The following NMU variants were observed in gnomAD, a reference collection of about 807,000 sequenced individuals.
NMU encodes neuromedin U.
In NMU, 29 loss-of-function variants were observed where a neutral mutation model predicts 35.4. The observed-to-expected ratio is 0.82, with a 90% confidence interval of 0.61 to 1.12. NMU has a LOEUF of 1.12. NMU is among the 50% of genes most tolerant of loss of function. The probability of loss-of-function intolerance (pLI) is 0.00; values close to 1 mark genes in which losing one functional copy is unlikely to be tolerated. For synonymous variants in NMU, 78 were observed against 81.3 expected (o/e 0.96, Z 0.22); for missense variants, 199 against 206.2 (o/e 0.97, Z 0.21).
At chr4:55,612,702 A>T (rs1490832530) in intron 3 of NMU, among the ~76,000 whole-genome samples, 2 of 152,174 alleles carry the variant, frequency 1.3e-5, no homozygotes, top group Non-Finnish European at 2.9e-5. Context: ...TGACTGAAAA[A>T]GTTTCAAAGC....
intron 2 of NMU, among the ~76,000 whole-genome samples, chr4:55,629,787 G>A (rs534773352): frequency 8.1e-4 from 123 of 152,146 alleles, no homozygotes; most frequent in African/African-American, 2.8e-3. Flanking sequence ...TGAGACAGGT[G>A]TATTAAACTC....
intron 3 of NMU, among the ~76,000 whole-genome samples, chr4:55,610,870 T>A (rs566665671): frequency 1.3e-5 from 2 of 152,350 alleles, no homozygotes; most frequent in African/African-American, 4.8e-5. Context: ...TTAATGATCC[T>A]GACCTGTGTA....
At chr4:55,624,059 A>G (rs1288351426) in intron 2 of NMU, among the ~76,000 whole-genome samples, 1 of 136,596 alleles carries the variant, frequency 7.3e-6, no homozygotes, top group Non-Finnish European at 1.6e-5. Flanking sequence ...CTAAAACCAT[A>G]AAAACCCTAG....
intron 2 of NMU, among the ~76,000 whole-genome samples, chr4:55,630,106 A>C (rs972080952): frequency 6.6e-6 from 1 of 152,022 alleles, no homozygotes; most frequent in East Asian, 1.9e-4. Context: ...TGGATCTATT[A>C]AAAAAATCCA....
At chr4:55,610,895 T>C (rs1381397484) in intron 3 of NMU, among the ~76,000 whole-genome samples, 1 of 152,182 alleles carries the variant, frequency 6.6e-6, no homozygotes. Flanking sequence ...TAGGCTAATA[T>C]GCATGCTTGT....
intron 7 of NMU, among the ~76,000 whole-genome samples, chr4:55,601,083 CT>C (rs1478922358): frequency 6.6e-6 from 1 of 151,960 alleles, no homozygotes; most frequent in Admixed American, 6.6e-5. Flanking sequence ...TTCAATGAAG[CT>C]TTAGGATAGA....
intron 2 of NMU, among the ~76,000 whole-genome samples, chr4:55,616,998 T>C (rs1157582647): frequency 6.6e-6 from 1 of 152,202 alleles, no homozygotes; most frequent in African/African-American, 2.4e-5. Context: ...ATGAGAGACT[T>C]ATATTAATCA....
intron 2 of NMU, among the ~76,000 whole-genome samples, chr4:55,618,548 C>G (rs1334012676): frequency 6.6e-6 from 1 of 152,116 alleles, no homozygotes; most frequent in Non-Finnish European, 1.5e-5. Context: ...ACTATATGTT[C>G]CTAGCATCTT....
chr4:55,636,020 T>A lies in NMU; in HGVS notation c.112+61A>T. The A allele has an allele frequency of 1.3e-6, 2 of 1,532,428 alleles. No homozygotes were observed. Among genetic ancestry groups the A allele is most frequent in the Non-Finnish European group, 1.7e-6 (2 of 1,145,986 alleles). The allele number at this position is 1,532,428 out of a possible 1,614,324, so 94.9% of individuals were successfully genotyped here. A position where few individuals can be genotyped will look rare whatever the true frequency, so the allele number is the denominator to read the frequency against. The stretch of plus-strand genomic sequence containing the variant: ...AGAGAAAGAGGGTGGAGGAGAGCGG[T>A]GAGTGGAGCCAGAGAGAGGCGCGCA... On this transcript the variant is annotated intron_variant, in intron 1 of 9. Coordinates refer to ENST00000264218, the MANE Select transcript of NMU (RefSeq NM_006681.4). This position sits in a 1 kb window ranked among gnomAD's most constrained non-coding sequence, Gnocchi z 4.0.
At chr4:55,630,271 A>G (rs1734703382) in intron 2 of NMU, 131 bp downstream of exon 2, 3 of 762,906 alleles carry the variant, frequency 3.9e-6, no homozygotes, top group Non-Finnish European at 6.5e-6. Context: ...TAATAAAAAT[A>G]GTAATTCTGG....
rs1254928575 is a variant in NMU, at chr4:55,600,515, T to A, written c.489+7A>T. Reference sequence around the variant, plus strand: ...ATTGATTTTTTAAAAATACAGTATGTACCTACCCTGAATAAAAAATATCCT... The same window carrying A: ...ATTGATTTTTTAAAAATACAGTATGAACCTACCCTGAATAAAAAATATCCT... On this transcript the variant is annotated splice_region_variant and intron_variant, in intron 8 of 9. Coordinates refer to ENST00000264218, the MANE Select transcript of NMU (RefSeq NM_006681.4). 1 of 1,586,260 alleles carries A rather than the reference T, an allele frequency of 6.3e-7. No individual in the cohort carries two copies. Among genetic ancestry groups the A allele is most frequent in the Non-Finnish European group, 8.7e-7 (1 of 1,155,522 alleles).
At chr4:55,601,810 G>A (rs1733438724) in intron 7 of NMU, among the ~76,000 whole-genome samples, 1 of 151,632 alleles carries the variant, frequency 6.6e-6, no homozygotes, top group Non-Finnish European at 1.5e-5. Flanking sequence ...AACATAGAGA[G>A]ACCTAGTCTC....
intron 3 of NMU, among the ~76,000 whole-genome samples, chr4:55,613,687 C>A (rs1734018175): frequency 6.6e-6 from 1 of 152,092 alleles, no homozygotes; most frequent in South Asian, 2.1e-4. Flanking sequence ...GACTCTTTGT[C>A]TTGCTTTGGC....
At chr4:55,614,388 G>C (rs1388053295) in intron 3 of NMU, among the ~76,000 whole-genome samples, 1 of 151,984 alleles carries the variant, frequency 6.6e-6, no homozygotes, top group Non-Finnish European at 1.5e-5. Flanking sequence ...TTTGTTACAA[G>C]AGAACAATTT....
At chr4:55,625,487 G>T (rs1049588356) in intron 2 of NMU, among the ~76,000 whole-genome samples, 4 of 152,028 alleles carry the variant, frequency 2.6e-5, no homozygotes, top group African/African-American at 9.7e-5. Flanking sequence ...TACACTTGAT[G>T]AATTTCTATA....
chr4:55,601,612 G>GA (rs1733427346), intron 7 of NMU, among the ~76,000 whole-genome samples: 3 of 151,416 alleles, frequency 2.0e-5, no homozygotes. Flanking sequence ...ATAAACCAAT[G>GA]AAAAATAAAA....
intron 1 of NMU, among the ~76,000 whole-genome samples, chr4:55,632,933 G>A (rs561376864): frequency 6.7e-6 from 1 of 150,244 alleles, no homozygotes; most frequent in African/African-American, 2.4e-5. Context: ...GTATTTTGTG[G>A]CTCTTCTAAA....
At chr4:55,625,309 A>C (rs569154536) in intron 2 of NMU, among the ~76,000 whole-genome samples, 1 of 151,366 alleles carries the variant, frequency 6.6e-6, no homozygotes, top group Non-Finnish European at 1.5e-5. Flanking sequence ...TTCCAGCATT[A>C]TCATCTAAAG....
intron 9 of NMU, among the ~76,000 whole-genome samples, 152 bp from the exon 10 acceptor site, chr4:55,595,563 T>TATATATATATATATACACAC (rs755203914): frequency 4.2e-5 from 5 of 120,054 alleles, no homozygotes; most frequent in East Asian, 2.9e-4. Context: ...TATATATATA[T>TATATATATATATATACACAC]ACACACACAC....
Sources: gnomAD v4.1 joint callset for allele counts (sites outside exome capture counted in the v4.1 genomes callset) on GRCh38, gnomAD v4.1.1 for gene constraint, Gnocchi (gnomAD v3.1) non-coding constraint, MANE v1.5 for transcripts, NCBI Gene and HGNC (gene_info 2026-07-23, HGNC 2026-07-21) for gene names.